Variants in PRIMPOL observed in about 807,000 individuals in gnomAD.
PRIMPOL encodes the protein DNA-directed primase/polymerase protein.
A neutral mutation model predicts 63.6 loss-of-function variants in PRIMPOL; 54 were observed. The observed-to-expected ratio is 0.85, with a 90% CI of 0.68 to 1.07. PRIMPOL has a LOEUF of 1.07. Among genes scored for constraint, PRIMPOL ranks in the 50% least tolerant of loss-of-function variants. PRIMPOL has a pLI of 0.00. For synonymous variants in PRIMPOL, 197 were observed against 220.2 expected, an observed-to-expected ratio of 0.89 and a Z score of 0.93; for missense variants, 610 against 648.3, an observed-to-expected ratio of 0.94 and a Z score of 0.64.
At chr4:184,651,479 A>G (rs1744458543) in intron 1 of PRIMPOL, among the ~76,000 whole-genome samples, 1 of 152,086 alleles carries the variant, frequency 6.6e-6, no homozygotes, top group Non-Finnish European at 1.5e-5. Context: ...CCCAACCTTA[A>G]CAGTGGCTCT....
At chr4:184,672,043 A>T in intron 6 of PRIMPOL, 130 bp from the exon 7 acceptor site, 1 of 876,110 alleles carries the variant, frequency 1.1e-6, no homozygotes, top group Non-Finnish European at 1.8e-6. Context: ...CCCGGCAGCA[A>T]CCCAGTTTTG....
intron 11 of PRIMPOL, among the ~76,000 whole-genome samples, chr4:184,689,873 C>T (rs1758036443): frequency 6.6e-6 from 1 of 152,184 alleles, no homozygotes; most frequent in African/African-American, 2.4e-5. Flanking sequence ...TCAGATTGCT[C>T]AAGAAATGTC....
In PRIMPOL at chr4:184,659,393, C is replaced by A. The variant is rs973870205; in HGVS notation, c.234C>A (p.Tyr78Ter). The A allele has an allele frequency of 6.2e-6, 10 of 1,613,906 alleles. No homozygotes were observed. The highest frequency in any genetic ancestry group is 8.5e-6 in the Non-Finnish European group (10 of 1,179,820). Residue 78 changes from tyrosine (Y) to a stop codon, truncating the protein, a stop_gained, in exon 4 of 14, where the codon TAC becomes TAA. Coordinates refer to ENST00000314970, the MANE Select transcript of PRIMPOL (RefSeq NM_152683.4). LOFTEE classifies it high-confidence loss of function. ...ECKVGDGQRIYLVTTYAEFWF... is the reference protein window; with the variant it reads ...ECKVGDGQRI ...AAGTAGGAGATGGACAACGTATTTACCTTGTGACAACCTATGCTGAATTTT... is the reference window on the plus strand; with the variant it reads ...AAGTAGGAGATGGACAACGTATTTAACTTGTGACAACCTATGCTGAATTTT...
chr4:184,661,504 C>A (rs1748294805), intron 4 of PRIMPOL, among the ~76,000 whole-genome samples: 1 of 151,960 alleles, frequency 6.6e-6, no homozygotes, highest in Non-Finnish European at 1.5e-5. Flanking sequence ...GCCAGGAGTT[C>A]AAGATCAGCC....
chr4:184,694,650 T>C lies in PRIMPOL; in HGVS notation c.1554T>C (p.Asp518=). The C allele has an allele frequency of 6.2e-7, 1 of 1,614,176 alleles. No individual in the cohort carries two copies. The highest frequency in any genetic ancestry group is 8.5e-7 in the Non-Finnish European group (1 of 1,180,026). The part of the protein sequence containing the change: ...SADAVWDNGI[D]DAYFLEATED... Reference sequence around the variant, plus strand: ...ATGCTGTCTGGGATAATGGCATTGATGATGCTTATTTTTTAGAAGCTACTG... The same window carrying C: ...ATGCTGTCTGGGATAATGGCATTGACGATGCTTATTTTTTAGAAGCTACTG... The change falls in exon 14 of 14, where the codon GAT becomes GAC. Residue 518 remains aspartate (D), a synonymous_variant. Coordinates refer to ENST00000314970, the MANE Select transcript of PRIMPOL (RefSeq NM_152683.4).
At position 184,682,240 on chromosome 4, in the gene PRIMPOL, T is replaced by C; in HGVS notation, c.1008-8T>C. Reference sequence around the variant, plus strand: ...GTGCTTTGTTTCTTTTACCTATTTCTTCTTCAGGTTCTCAGATACTTTACG... The same window carrying C: ...GTGCTTTGTTTCTTTTACCTATTTCCTCTTCAGGTTCTCAGATACTTTACG... On this transcript the variant is annotated splice_polypyrimidine_tract_variant and splice_region_variant and intron_variant, in intron 8 of 13. Coordinates refer to ENST00000314970, the MANE Select transcript of PRIMPOL (RefSeq NM_152683.4). 6.6e-7 allele frequency: 1 copy of C among 1,513,498 alleles called. No individual in the cohort carries two copies. Among genetic ancestry groups the C allele is most frequent in the South Asian group, 1.1e-5 (1 of 87,202 alleles). The allele number at this position is 1,513,498 out of a possible 1,614,324, so 93.8% of individuals were successfully genotyped here.
At chr4:184,651,528 G>A (rs565806171) in intron 1 of PRIMPOL, among the ~76,000 whole-genome samples, 1 of 152,284 alleles carries the variant, frequency 6.6e-6, no homozygotes, top group East Asian at 1.9e-4. Context: ...TAGTGTGGTT[G>A]AACTAGTCCT....
intron 11 of PRIMPOL, among the ~76,000 whole-genome samples, chr4:184,687,116 G>A (rs1356432914): frequency 6.6e-6 from 1 of 152,086 alleles, no homozygotes; most frequent in Non-Finnish European, 1.5e-5. Flanking sequence ...CGTTGCCCAG[G>A]CTGGAGTGCA....
At chr4:184,650,294 A>C (rs1743858672) in intron 1 of PRIMPOL, among the ~76,000 whole-genome samples, 1 of 152,236 alleles carries the variant, frequency 6.6e-6, no homozygotes. Context: ...GAGATTAACG[A>C]ACCAATCCAG....
At chr4:184,691,089 A>AT (rs546429076) in intron 11 of PRIMPOL, among the ~76,000 whole-genome samples, 144 of 152,068 alleles carry the variant, frequency 9.5e-4, no homozygotes, top group African/African-American at 3.2e-3. Flanking sequence ...TTTGTCATTC[A>AT]TTTTTTCTGT....
intron 2 of PRIMPOL, among the ~76,000 whole-genome samples, chr4:184,656,465 C>T (rs1746479884): frequency 6.6e-6 from 1 of 152,258 alleles, no homozygotes. Context: ...GCCTGGCCCC[C>T]TTACTCTGGC....
At position 184,692,342 on chromosome 4, in the gene PRIMPOL, CCTAT is replaced by C. The variant is rs1370301746; in HGVS notation, c.1425+631_1425+634del. 1.1e-4 allele frequency among the ~76,000 whole-genome samples: 17 copies of C among 151,814 alleles called. No homozygotes were observed. In the Middle Eastern group the frequency reaches 0.01, roughly 91 times the overall value. On this transcript the variant is annotated intron_variant, in intron 13 of 13. Coordinates refer to ENST00000314970, the MANE Select transcript of PRIMPOL (RefSeq NM_152683.4). ...CACAAAAATTAGCCAGGTGTGGTGG[CCTAT>C]GCCTATAATCCCAGCTACTCAGGAG...
At chr4:184,693,291 AGAG>A (rs1012709940) in intron 13 of PRIMPOL, among the ~76,000 whole-genome samples, 3 of 152,240 alleles carry the variant, frequency 2.0e-5, no homozygotes, top group Admixed American at 6.5e-5. Flanking sequence ...ACTGTCTCCA[AGAG>A]GAGGAGGATT....
chr4:184,686,584 A>C (rs1275123369), intron 11 of PRIMPOL, among the ~76,000 whole-genome samples: 5 of 152,186 alleles, frequency 3.3e-5, no homozygotes, highest in Non-Finnish European at 7.4e-5. Flanking sequence ...AGAACTTTAA[A>C]ATATAAAAGG....
intron 9 of PRIMPOL, 76 bp downstream of exon 9, chr4:184,682,412 G>C (rs1456516782): frequency 2.6e-6 from 2 of 766,414 alleles, no homozygotes; most frequent in Admixed American, 4.2e-5. Flanking sequence ...GCAGTGGTGC[G>C]ATCTCGGCTC....
At chr4:184,663,018 T>TTTATTA (rs70962516) in intron 5 of PRIMPOL, among the ~76,000 whole-genome samples, 40,654 of 138,380 alleles carry the variant, frequency 0.29, 6,685 homozygotes, top group Non-Finnish European at 0.36. Flanking sequence ...ATTTTAAACC[T>TTTATTA]TTATTATTAT....
chr4:184,687,475 T>G (rs1183661607), intron 11 of PRIMPOL, among the ~76,000 whole-genome samples: 2 of 152,206 alleles, frequency 1.3e-5, no homozygotes, highest in Non-Finnish European at 2.9e-5. Flanking sequence ...GAAGCACCTG[T>G]GGGCCCAACC....
At chr4:184,680,897 C>G (rs1755451190) in intron 8 of PRIMPOL, among the ~76,000 whole-genome samples, 1 of 152,166 alleles carries the variant, frequency 6.6e-6, no homozygotes, top group African/African-American at 2.4e-5. Flanking sequence ...GTAATTCCTG[C>G]CACACCCTAT....
intron 7 of PRIMPOL, among the ~76,000 whole-genome samples, chr4:184,674,093 C>T (rs958450237): frequency 1.3e-5 from 2 of 152,152 alleles, no homozygotes; most frequent in Non-Finnish European, 1.5e-5. Context: ...GTCTCTACTT[C>T]TACCCCAGCA....
Sources: allele counts gnomAD v4.1 joint callset (sites outside exome capture counted in the v4.1 genomes callset), GRCh38; gene constraint gnomAD v4.1.1; transcripts MANE v1.5; gene names NCBI Gene and HGNC (gene_info 2026-07-23, HGNC 2026-07-21).